Variants in PRKAR2A observed in about 807,000 individuals in gnomAD.
PRKAR2A encodes protein kinase cAMP-dependent type II regulatory subunit alpha.
Under a neutral mutation model 51.9 loss-of-function variants are expected in PRKAR2A, and 29 were observed. The observed-to-expected ratio is 0.56, with a 90% CI of 0.42 to 0.76. The LOEUF (loss-of-function observed/expected upper bound fraction) is 0.76, where lower values mean the gene tolerates loss of function less well. Among genes scored for constraint, PRKAR2A ranks in the 30% least tolerant of loss-of-function variants. The pLI, the probability that PRKAR2A is intolerant of heterozygous loss-of-function variation, is 0.00. For synonymous variants in PRKAR2A, 178 were observed against 186.2 expected (o/e 0.96, Z 0.36); for missense variants, 445 against 512.1 (o/e 0.87, Z 1.26).
chr3:48,823,896 A>G (rs914479674), intron 1 of PRKAR2A, among the ~76,000 whole-genome samples: 2 of 152,070 alleles, frequency 1.3e-5, no homozygotes, highest in African/African-American at 4.8e-5. Flanking sequence ...AGAGGTTACC[A>G]CTACAAAAAG....
At chr3:48,746,298 T>G (rs554796296), downstream of PRKAR2A, among the ~76,000 whole-genome samples, 2 of 142,544 alleles carry the variant, frequency 1.4e-5, no homozygotes, top group Non-Finnish European at 3.0e-5. Context: ...GCAGGAAGAC[T>G]GCTTGAGCCT....
Position 48,847,307 on chromosome 3 carries a change from AC to A in PRKAR2A, c.262+27del. 2 of 1,610,170 alleles carry A rather than the reference AC, an allele frequency of 1.2e-6. No homozygotes were observed. Among genetic ancestry groups the A allele is most frequent in the Non-Finnish European group, 1.7e-6 (2 of 1,178,366 alleles). On this transcript the variant is annotated intron_variant, in intron 1 of 10. Coordinates refer to ENST00000265563, the MANE Select transcript of PRKAR2A (RefSeq NM_004157.4). The surrounding 1 kb of genome is among the most constrained non-coding windows in gnomAD (Gnocchi z 4.4). ...TAGACCTCTGGAGACCTCCTGCACC[AC>A]TCCCCAGGGCCCCGCCCACAGCCTA...
At chr3:48,812,075 T>C (rs1403681660) in intron 1 of PRKAR2A, among the ~76,000 whole-genome samples, 1 of 151,842 alleles carries the variant, frequency 6.6e-6, no homozygotes, top group Non-Finnish European at 1.5e-5. Flanking sequence ...TAAAAATAAA[T>C]TGTACACTTA....
rs768783376 is a variant in PRKAR2A at position 48,765,059 on chromosome 3, A to G, written c.818T>C (p.Ile273Thr). 3.5e-5 allele frequency: 56 copies of G among 1,614,036 alleles called. No homozygotes were observed. The highest frequency in any genetic ancestry group is 4.6e-5 in the Non-Finnish European group (54 of 1,179,994). ...GATCTTCTCTCCTATTACATCCACA[A>G]TCTTCATTCGTTCTGACACCTGAAA... ...KSLEVSERMKIVDVIGEKIYK... is the reference protein window; with the variant it reads ...KSLEVSERMKTVDVIGEKIYK... Residue 273 changes from isoleucine to threonine, a missense_variant, in exon 8 of 11, where the codon ATT (isoleucine) becomes ACT (threonine). Coordinates refer to ENST00000265563, the MANE Select transcript of PRKAR2A (RefSeq NM_004157.4).
intron 4 of PRKAR2A, among the ~76,000 whole-genome samples, chr3:48,788,830 C>G (rs183106165): frequency 6.6e-6 from 1 of 152,124 alleles, no homozygotes; most frequent in East Asian, 1.9e-4. Context: ...GAAATTTCCA[C>G]TGTTTATAAA....
chr3:48,756,244 C>T (rs1285291095), intron 9 of PRKAR2A, 135 bp downstream of exon 9: 5 of 709,122 alleles, frequency 7.1e-6, no homozygotes, highest in Non-Finnish European at 1.2e-5. Flanking sequence ...ACTAAATGGG[C>T]TTAAACATGG....
intron 3 of PRKAR2A, 84 bp downstream of exon 3, chr3:48,793,913 G>C: frequency 9.8e-7 from 1 of 1,025,148 alleles, no homozygotes. Context: ...TTAATTATTA[G>C]CATGATGAGT....
At chr3:48,843,497 T>C (rs2083411672) in intron 1 of PRKAR2A, among the ~76,000 whole-genome samples, 1 of 152,106 alleles carries the variant, frequency 6.6e-6, no homozygotes. Context: ...TTAAAGTTCA[T>C]ATGGAACCAA....
intron 6 of PRKAR2A, 36 bp downstream of exon 6, chr3:48,772,919 C>A: frequency 6.3e-7 from 1 of 1,596,532 alleles, no homozygotes; most frequent in Non-Finnish European, 8.6e-7. Flanking sequence ...GGAATTAATA[C>A]TGTGCCTTGC....
intron 2 of PRKAR2A, among the ~76,000 whole-genome samples, chr3:48,797,053 C>T (rs1405035441): frequency 6.6e-6 from 1 of 152,082 alleles, no homozygotes; most frequent in Admixed American, 6.6e-5. Context: ...TAACAGGCAA[C>T]AAACAGTTCT....
intron 1 of PRKAR2A, among the ~76,000 whole-genome samples, chr3:48,829,483 C>T (rs561376935): frequency 6.6e-6 from 1 of 150,922 alleles, no homozygotes; most frequent in Non-Finnish European, 1.5e-5. Flanking sequence ...CATGCCACTG[C>T]ATTCCAACCT....
chr3:48,792,903 C>T (rs1263876551), intron 3 of PRKAR2A, among the ~76,000 whole-genome samples: 1 of 151,596 alleles, frequency 6.6e-6, no homozygotes, highest in Non-Finnish European at 1.5e-5. Flanking sequence ...CACTCCAGCC[C>T]GGGCGACAGT....
chr3:48,758,920 T>C (rs1222331508), intron 8 of PRKAR2A, among the ~76,000 whole-genome samples: 1 of 152,078 alleles, frequency 6.6e-6, no homozygotes, highest in African/African-American at 2.4e-5. Flanking sequence ...TGAGAGGAGA[T>C]GGGAAAGAAT....
At chr3:48,820,938 A>G (rs2082949694) in intron 1 of PRKAR2A, among the ~76,000 whole-genome samples, 1 of 152,188 alleles carries the variant, frequency 6.6e-6, no homozygotes, top group Non-Finnish European at 1.5e-5. Flanking sequence ...CTGAAATTCA[A>G]TAGGTCCAGA....
intron 1 of PRKAR2A, among the ~76,000 whole-genome samples, chr3:48,813,881 T>C (rs1489869821): frequency 6.6e-6 from 1 of 152,052 alleles, no homozygotes; most frequent in Non-Finnish European, 1.5e-5. Context: ...TCCAGTACTT[T>C]AGGAGGCCAA....
At chr3:48,812,916 AG>A (rs1349813104) in intron 1 of PRKAR2A, among the ~76,000 whole-genome samples, 1 of 152,196 alleles carries the variant, frequency 6.6e-6, no homozygotes, top group African/African-American at 2.4e-5. Context: ...AGACAGCAAA[AG>A]CTTCTCTAAA....
intron 5 of PRKAR2A, among the ~76,000 whole-genome samples, chr3:48,779,829 A>G (rs2107278570): frequency 7.3e-6 from 1 of 137,246 alleles, no homozygotes; most frequent in African/African-American, 2.7e-5. Flanking sequence ...ATAAATAAAT[A>G]AAATATATAG....
chr3:48,766,105 T>C (rs2081936950), intron 6 of PRKAR2A, among the ~76,000 whole-genome samples: 1 of 147,120 alleles, frequency 6.8e-6, no homozygotes, highest in Non-Finnish European at 1.5e-5. Flanking sequence ...CACTTGTCTG[T>C]ACTTGGGTGG....
At position 48,751,558 on chromosome 3, in the gene PRKAR2A, C is replaced by G. The variant is rs200959444; in HGVS notation, c.*27G>C. 1 of 1,605,434 alleles carries G rather than the reference C, an allele frequency of 6.2e-7. No individual in the cohort carries two copies. Among genetic ancestry groups the G allele is most frequent in the African/African-American group, 1.3e-5 (1 of 74,738 alleles). On this transcript the variant is annotated 3_prime_UTR_variant, in exon 11 of 11. Coordinates refer to ENST00000265563, the MANE Select transcript of PRKAR2A (RefSeq NM_004157.4). ...CTGACCAGAAGGTTTTGGTGTCACA[C>G]TAAGAAGGCTCTGGGGTGTGGCACA...
Sources: allele counts gnomAD v4.1 joint callset (sites outside exome capture counted in the v4.1 genomes callset), GRCh38; gene constraint gnomAD v4.1.1; non-coding constraint Gnocchi (gnomAD v3.1); transcripts MANE v1.5; gene names NCBI Gene and HGNC (gene_info 2026-07-23, HGNC 2026-07-21).